SULF1: variants seen among roughly 807,000 people sequenced by gnomAD.
SULF1 encodes the protein sulfatase 1.
Under a neutral mutation model 110.5 loss-of-function variants are expected in SULF1, and 46 were observed. The observed-to-expected ratio is 0.42, with a 90% CI of 0.33 to 0.53. The LOEUF (loss-of-function observed/expected upper bound fraction) is 0.53, where lower values mean the gene tolerates loss of function less well. Ranked by LOEUF, SULF1 falls within the 20% of genes least tolerant of loss-of-function variation. The probability of loss-of-function intolerance (pLI) is 0.12; values close to 1 mark genes in which losing one functional copy is unlikely to be tolerated. For missense variants in SULF1, 941 were observed against 1,094.2 expected (o/e 0.86, Z 1.98); for synonymous variants, 371 against 387.1 (o/e 0.96, Z 0.49).
At chr8:69,508,658 T>TA (rs1465845775) in intron 3 of SULF1, among the ~76,000 whole-genome samples, 1 of 152,200 alleles carries the variant, frequency 6.6e-6, no homozygotes, top group Non-Finnish European at 1.5e-5. Flanking sequence ...GGATTCACCA[T>TA]AAAATTAATT....
chr8:69,473,349 T>G (rs921647798), intron 1 of SULF1: 13 of 152,232 alleles, frequency 8.5e-5, no homozygotes, highest in African/African-American at 2.9e-4. Flanking sequence ...TAAATCTCTG[T>G]GCGGAATAAA....
intron 3 of SULF1, among the ~76,000 whole-genome samples, chr8:69,552,176 A>AC (rs562274658): frequency 1.2e-3 from 188 of 152,304 alleles, no homozygotes; most frequent in Non-Finnish European, 1.9e-3. Flanking sequence ...ATTCTGATGA[A>AC]CCCCTACTCC....
At chr8:69,610,131 A>C (rs776807643) in intron 13 of SULF1, among the ~76,000 whole-genome samples, 8 of 152,196 alleles carry the variant, frequency 5.3e-5, no homozygotes, top group Non-Finnish European at 1.0e-4. Context: ...GCATCTTTAC[A>C]ATTTAGTTTG....
intron 8 of SULF1, among the ~76,000 whole-genome samples, chr8:69,599,325 G>A (rs1269928821): frequency 6.6e-6 from 1 of 152,210 alleles, no homozygotes; most frequent in Admixed American, 6.5e-5. Context: ...CTCATTCTGT[G>A]AGGCTGCCTA....
chr8:69,630,829 T>TTA (rs1810463872), intron 19 of SULF1, among the ~76,000 whole-genome samples: 1 of 152,216 alleles, frequency 6.6e-6, no homozygotes, highest in Non-Finnish European at 1.5e-5. Context: ...TTGTTTTTTA[T>TTA]TATTATACTT....
chr8:69,631,369 C>A (rs1810530130), intron 19 of SULF1, among the ~76,000 whole-genome samples: 1 of 152,166 alleles, frequency 6.6e-6, no homozygotes, highest in South Asian at 2.1e-4. Context: ...CTGTGGCCTC[C>A]CAGGCTCCCC....
At chr8:69,588,284 C>T (rs1237210996) in intron 7 of SULF1, among the ~76,000 whole-genome samples, 1 of 152,134 alleles carries the variant, frequency 6.6e-6, no homozygotes, top group East Asian at 1.9e-4. Flanking sequence ...AGCTGTATTG[C>T]TTTAGTTGTG....
intron 22 of SULF1, among the ~76,000 whole-genome samples, chr8:69,654,457 C>A (rs901213302): frequency 2.0e-5 from 3 of 152,190 alleles, no homozygotes; most frequent in Admixed American, 6.5e-5. Flanking sequence ...AGGCAGTATA[C>A]CTGCATTCAC....
intron 5 of SULF1, among the ~76,000 whole-genome samples, chr8:69,569,383 G>T (rs1332594423): frequency 1.3e-5 from 2 of 152,086 alleles, no homozygotes; most frequent in African/African-American, 4.8e-5. Context: ...AAAAAAATCA[G>T]ATTCTGACGT....
chr8:69,555,777 G>T (rs1421138022), intron 3 of SULF1, among the ~76,000 whole-genome samples: 9 of 152,116 alleles, frequency 5.9e-5, no homozygotes, highest in Non-Finnish European at 1.3e-4. Context: ...ATTTTCAGAT[G>T]GTATATTTAT....
At chr8:69,549,798 C>T (rs553329675) in intron 3 of SULF1, among the ~76,000 whole-genome samples, 6 of 152,190 alleles carry the variant, frequency 3.9e-5, no homozygotes, top group South Asian at 2.1e-4. Context: ...AGTTGTCTCG[C>T]GACTCCACAA....
chr8:69,490,518 A>G (rs1448903985), upstream of SULF1, among the ~76,000 whole-genome samples: 1 of 152,208 alleles, frequency 6.6e-6, no homozygotes, highest in Non-Finnish European at 1.5e-5. Context: ...ATATTTCTCC[A>G]TTTGACTCCA....
chr8:69,513,584 G>A (rs1586272147), intron 3 of SULF1, among the ~76,000 whole-genome samples: 2 of 152,350 alleles, frequency 1.3e-5, no homozygotes, highest in East Asian at 3.9e-4. Flanking sequence ...AATCATTCAT[G>A]GCTAGGAAAT....
intron 3 of SULF1, among the ~76,000 whole-genome samples, chr8:69,505,859 A>G (rs953666337): frequency 2.6e-5 from 4 of 151,810 alleles, no homozygotes; most frequent in Non-Finnish European, 5.9e-5. Flanking sequence ...AAAATTAGGT[A>G]TTTGTTGTAA....
At chr8:69,629,365 C>A in intron 18 of SULF1, 139 bp from the exon 19 acceptor site, 1 of 814,502 alleles carries the variant, frequency 1.2e-6, no homozygotes, top group African/African-American at 1.7e-5. Flanking sequence ...TATTTTAAGT[C>A]CCTCTATACA....
At chr8:69,608,028 GC>G (rs1363609572) in intron 13 of SULF1, among the ~76,000 whole-genome samples, 1 of 152,164 alleles carries the variant, frequency 6.6e-6, no homozygotes, top group African/African-American at 2.4e-5. Flanking sequence ...GATAGTGAAT[GC>G]CCCCCTCCTA....
chr8:69,541,991 A>G (rs1433112053), intron 3 of SULF1, among the ~76,000 whole-genome samples: 4 of 152,224 alleles, frequency 2.6e-5, no homozygotes. Context: ...GAAGAGGAAT[A>G]TGAGGAAGGT....
intron 6 of SULF1, chr8:69,584,590 A>G (rs575552275): frequency 6.6e-6 from 1 of 152,352 alleles, no homozygotes; most frequent in South Asian, 2.1e-4. Flanking sequence ...AATGCATTTA[A>G]TATACTGAAC....
chr8:69,603,996 A>G (rs981020041), intron 12 of SULF1, among the ~76,000 whole-genome samples: 1 of 152,216 alleles, frequency 6.6e-6, no homozygotes, highest in African/African-American at 2.4e-5. Flanking sequence ...TTCCCAACAC[A>G]AGGAAAAGAT....
Sources: allele counts gnomAD v4.1 joint callset (sites outside exome capture counted in the v4.1 genomes callset), GRCh38; gene constraint gnomAD v4.1.1; transcripts MANE v1.5; gene names NCBI Gene and HGNC (gene_info 2026-07-23, HGNC 2026-07-21).